Variants in DOCK8 observed in about 807,000 individuals in gnomAD.
DOCK8 encodes dedicator of cytokinesis protein 8.
A neutral mutation model predicts 245.6 loss-of-function variants in DOCK8; 141 were observed. The observed-to-expected ratio is 0.57, with a 90% CI of 0.50 to 0.66. The LOEUF (loss-of-function observed/expected upper bound fraction) is 0.66, where lower values mean the gene tolerates loss of function less well. Ranked by LOEUF, DOCK8 falls within the 30% of genes least tolerant of loss-of-function variation. DOCK8 has a pLI of 0.00. For synonymous variants in DOCK8, 1,168 were observed against 970.2 expected (o/e 1.20, Z -3.79); for missense variants, 2,965 against 2,603.4 (o/e 1.14, Z -3.02).
At chr9:308,772 C>G (rs896279057) in intron 5 of DOCK8, among the ~76,000 whole-genome samples, 1 of 152,198 alleles carries the variant, frequency 6.6e-6, no homozygotes, top group Admixed American at 6.5e-5. Flanking sequence ...ATTCTCCTCC[C>G]TTAGCCTCCC....
Position 400,936 on chromosome 9 carries a change from C to G in DOCK8, c.3234+1677C>G, listed in dbSNP as rs1446715393. 6.0e-4 allele frequency among the ~76,000 whole-genome samples: 80 copies of G among 134,240 alleles called. 27 individuals are homozygous for G. The highest frequency in any genetic ancestry group is 7.7e-3 in the Middle Eastern group (2 of 260). The allele number at this position is 134,240 out of a possible 152,430, so 88.1% of individuals were successfully genotyped here. ...GCTCCTTCACCATCACCACAACATC[C>G]ACCACCACCATCACCACCACCACCA... On this transcript the variant is annotated intron_variant, in intron 26 of 47. Coordinates refer to ENST00000432829, the MANE Select transcript of DOCK8 (RefSeq NM_203447.4).
chr9:425,488 C>CA (rs2056455924), intron 33 of DOCK8, among the ~76,000 whole-genome samples: 1 of 144,530 alleles, frequency 6.9e-6, no homozygotes, highest in African/African-American at 2.8e-5. Context: ...GCCAAGATTG[C>CA]GCCACTGCAC....
intron 1 of DOCK8, among the ~76,000 whole-genome samples, chr9:225,601 A>G (rs1417393364): frequency 1.3e-5 from 2 of 152,196 alleles, no homozygotes; most frequent in African/African-American, 4.8e-5. Flanking sequence ...ATAGCCTACT[A>G]TGTGCCTAGC....
chr9:420,443 A>G lies in DOCK8; in HGVS notation c.3883A>G (p.Asn1295Asp). The G allele has an allele frequency of 1.2e-6, 2 of 1,614,196 alleles. No individual in the cohort carries two copies. The highest frequency in any genetic ancestry group is 1.7e-6 in the Non-Finnish European group (2 of 1,180,034). The change falls in exon 31 of 48, where the codon AAC (asparagine) becomes GAC (aspartate). Residue 1295 changes from asparagine to aspartate, a missense_variant. By Grantham distance (23) the Asn-to-Asp change is conservative (BLOSUM62 1). Transcript: ENST00000432829. ...CATGCTGAACGCGGACACTACTCGC[A>G]ACCTCATGATCTGCTTCCTCTGGAT... ...YNMLNADTTR[N>D]LMICFLWIMK...
At chr9:347,270 G>A (rs564704280) in intron 14 of DOCK8, among the ~76,000 whole-genome samples, 8 of 152,206 alleles carry the variant, frequency 5.3e-5, no homozygotes, top group Non-Finnish European at 8.8e-5. Context: ...TTGGGAGGCC[G>A]AGGCGGGAGG....
Position 463,561 on chromosome 9 carries a change from A to G in DOCK8, c.6113A>G (p.Asp2038Gly), listed in dbSNP as rs1322398975. ...VEKNKRLITA[D>G]QREYQQELKK... Reference sequence around the variant, plus strand: ...AAAAACAAGCGTCTCATCACGGCAGACCAGAGGGAATATCAGCAGGAACTC... The same window carrying G: ...AAAAACAAGCGTCTCATCACGGCAGGCCAGAGGGAATATCAGCAGGAACTC... Residue 2038 changes from aspartate to glycine, a missense_variant, in exon 47 of 48, where the codon GAC (aspartate) becomes GGC (glycine). Transcript: ENST00000432829. The G allele has an allele frequency of 1.2e-6, 2 of 1,614,244 alleles. No individual in the cohort carries two copies. Among genetic ancestry groups the G allele is most frequent in the South Asian group, 2.2e-5 (2 of 91,088 alleles).
At chr9:214,453 CTTT>C (rs533654119), upstream of DOCK8, 66 of 1,534,040 alleles carry the variant, frequency 4.3e-5, no homozygotes, top group Non-Finnish European at 5.5e-5. Context: ...ACTTTTTTGT[CTTT>C]TTTTTTGGCT....
intron 46 of DOCK8, among the ~76,000 whole-genome samples, chr9:461,753 T>A (rs1375194348): frequency 1.3e-5 from 2 of 151,602 alleles, no homozygotes; most frequent in Admixed American, 6.6e-5. Context: ...TGTTGCCCAG[T>A]CTAGTCTTTA....
chr9:221,327 C>A (rs554720498), intron 1 of DOCK8, among the ~76,000 whole-genome samples: 1 of 152,270 alleles, frequency 6.6e-6, no homozygotes, highest in South Asian at 2.1e-4. Flanking sequence ...CCCTCTGCAT[C>A]TGTGGGCACA....
chr9:278,486 A>G (rs1171871443), intron 2 of DOCK8, among the ~76,000 whole-genome samples: 8 of 152,222 alleles, frequency 5.3e-5, no homozygotes, highest in Non-Finnish European at 4.4e-5. Context: ...CTATCCTCAT[A>G]GAGTTTGCCT....
intron 1 of DOCK8, among the ~76,000 whole-genome samples, chr9:247,410 G>C (rs1205924046): frequency 6.6e-6 from 1 of 152,138 alleles, no homozygotes; most frequent in Non-Finnish European, 1.5e-5. Context: ...ATTTTCGACA[G>C]CAAATATTTT....
chr9:428,055 G>C (rs1468713535), intron 34 of DOCK8, among the ~76,000 whole-genome samples: 1 of 152,208 alleles, frequency 6.6e-6, no homozygotes, highest in Non-Finnish European at 1.5e-5. Flanking sequence ...GGAAAGCTAT[G>C]TCTTGTATAC....
chr9:266,165 C>T (rs12342002), intron 1 of DOCK8, among the ~76,000 whole-genome samples: 1,790 of 152,240 alleles, frequency 0.012, 34 homozygotes, highest in African/African-American at 0.041. Context: ...GTTTTAAAAG[C>T]TCCCTAAACA....
chr9:359,592 C>T (rs2052620986), intron 14 of DOCK8, among the ~76,000 whole-genome samples: 1 of 151,942 alleles, frequency 6.6e-6, no homozygotes, highest in African/African-American at 2.4e-5. Context: ...CTTCTGAATC[C>T]TTGAATAAAA....
intron 14 of DOCK8, among the ~76,000 whole-genome samples, chr9:352,231 T>C (rs1263163184): frequency 6.6e-6 from 1 of 152,120 alleles, no homozygotes; most frequent in Non-Finnish European, 1.5e-5. Flanking sequence ...TCTTTCAAGG[T>C]CACTGATTGT....
chr9:398,765 A>G (rs2054585212), intron 25 of DOCK8, among the ~76,000 whole-genome samples: 1 of 152,064 alleles, frequency 6.6e-6, no homozygotes, highest in African/African-American at 2.4e-5. Flanking sequence ...CTCATTGAAA[A>G]CAGTAAGTAT....
At chr9:255,874 A>G (rs1474507268) in intron 1 of DOCK8, among the ~76,000 whole-genome samples, 1 of 152,094 alleles carries the variant, frequency 6.6e-6, no homozygotes, top group African/African-American at 2.4e-5. Flanking sequence ...TCAAAATTAG[A>G]AGGGTTGGTA....
chr9:281,260 A>AG (rs751482074), intron 2 of DOCK8, among the ~76,000 whole-genome samples: 4 of 141,528 alleles, frequency 2.8e-5, no homozygotes, highest in Non-Finnish European at 6.3e-5. Flanking sequence ...AAAAAAAAAA[A>AG]GTAGTTTTGG....
In DOCK8 at chr9:294,591, A is replaced by G. The variant is rs189383688; in HGVS notation, c.404+5010A>G. Reference sequence around the variant, plus strand: ...ATCCCAGTTAAATATGCACTTAACCATACAACCGTAAGTCCCACTCTTGAG... The same window carrying G: ...ATCCCAGTTAAATATGCACTTAACCGTACAACCGTAAGTCCCACTCTTGAG... On this transcript the variant is annotated intron_variant, in intron 4 of 47. Transcript: ENST00000432829. Among the ~76,000 whole-genome samples the G allele has an allele frequency of 7.1e-4, 108 of 152,372 alleles. 1 individual carries two copies. The highest frequency in any genetic ancestry group is 6.8e-3 in the Middle Eastern group (2 of 294).
Sources: allele counts gnomAD v4.1 joint callset (sites outside exome capture counted in the v4.1 genomes callset), GRCh38; gene constraint gnomAD v4.1.1; transcripts MANE v1.5; gene names NCBI Gene and HGNC (gene_info 2026-07-23, HGNC 2026-07-21).